The following CHN1 variants were observed in gnomAD, a reference collection of about 807,000 sequenced individuals.
CHN1 encodes the protein chimerin 1, also known as N-chimaerin.
In CHN1, 37 loss-of-function variants were observed where a neutral mutation model predicts 59.5. The ratio of observed to expected loss-of-function variants is 0.62; its 90% confidence interval spans 0.48 to 0.82. The LOEUF (loss-of-function observed/expected upper bound fraction) is 0.82, where lower values mean the gene tolerates loss of function less well. Among genes scored for constraint, CHN1 ranks in the 40% least tolerant of loss-of-function variants. The probability of loss-of-function intolerance (pLI) is 0.00; values close to 1 mark genes in which losing one functional copy is unlikely to be tolerated. For synonymous variants in CHN1, 206 were observed against 200.4 expected, an observed-to-expected ratio of 1.03 and a Z score of -0.24; for missense variants, 469 against 571.0, an observed-to-expected ratio of 0.82 and a Z score of 1.82.
chr2:174,939,216 G>A (rs1689587435), intron 3 of CHN1, among the ~76,000 whole-genome samples: 1 of 152,154 alleles, frequency 6.6e-6, no homozygotes, highest in South Asian at 2.1e-4. Context: ...TCTATCTTGT[G>A]TCTTTGCATC....
intron 5 of CHN1, among the ~76,000 whole-genome samples, chr2:174,888,360 C>T (rs1687950930): frequency 6.6e-6 from 1 of 152,088 alleles, no homozygotes; most frequent in African/African-American, 2.4e-5. Flanking sequence ...AGATGGGGAA[C>T]AAGAGGAGGG....
intron 1 of CHN1, among the ~76,000 whole-genome samples, chr2:174,986,559 G>A (rs1445342425): frequency 6.6e-6 from 1 of 152,072 alleles, no homozygotes; most frequent in African/African-American, 2.4e-5. Flanking sequence ...AAACAACATG[G>A]GTTTGAACCA....
chr2:175,004,196 T>C lies in CHN1; in HGVS notation c.19+698A>G, dbSNP rs531428745. Among the ~76,000 whole-genome samples the C allele has an allele frequency of 7.2e-5, 11 of 152,322 alleles. No individual in the cohort carries two copies. The East Asian group carries it at 1.9e-3, about 27-fold the overall frequency. On this transcript the variant is annotated intron_variant, in intron 1 of 12. Transcript: ENST00000409900. ...AGTCCTTTTTCCCAACCCATTGTCATTGCAGACTGAGAAAAAAACAGCTTG... is the reference window on the plus strand; with the variant it reads ...AGTCCTTTTTCCCAACCCATTGTCACTGCAGACTGAGAAAAAAACAGCTTG...
At chr2:174,870,585 T>C (rs1412250242) in intron 6 of CHN1, among the ~76,000 whole-genome samples, 2 of 152,202 alleles carry the variant, frequency 1.3e-5, no homozygotes, top group Non-Finnish European at 2.9e-5. Flanking sequence ...GGAAAGCAGA[T>C]TCTTTTAGAA....
intron 12 of CHN1, among the ~76,000 whole-genome samples, chr2:174,801,275 G>A (rs1451902045): frequency 1.3e-5 from 2 of 152,102 alleles, no homozygotes; most frequent in East Asian, 1.9e-4. Flanking sequence ...TTCAATAATC[G>A]AAAATCCTGT....
chr2:174,950,857 G>A (rs943593039), intron 2 of CHN1, among the ~76,000 whole-genome samples: 1 of 144,956 alleles, frequency 6.9e-6, no homozygotes, highest in Non-Finnish European at 1.5e-5. Flanking sequence ...TTGGCTCACT[G>A]CAACCTCTGC....
intron 7 of CHN1, among the ~76,000 whole-genome samples, chr2:174,838,653 G>C (rs1686179242): frequency 6.6e-6 from 1 of 152,216 alleles, no homozygotes; most frequent in Non-Finnish European, 1.5e-5. Context: ...GTACCAACAT[G>C]TCTCAAACGG....
chr2:174,955,489 AG>A (rs1690177903), intron 1 of CHN1, among the ~76,000 whole-genome samples: 2 of 151,988 alleles, frequency 1.3e-5, no homozygotes, highest in South Asian at 4.1e-4. Context: ...GTGAGGGGAA[AG>A]GATGGACGGG....
intron 7 of CHN1, among the ~76,000 whole-genome samples, chr2:174,825,995 T>C (rs1362655354): frequency 1.3e-5 from 2 of 152,290 alleles, no homozygotes; most frequent in African/African-American, 4.8e-5. Context: ...GAATTCAAAA[T>C]ACTACATTGG....
At chr2:174,811,360 A>G (rs916768648) in intron 10 of CHN1, 151 bp downstream of exon 10, 22 of 550,222 alleles carry the variant, frequency 4.0e-5, no homozygotes, top group Middle Eastern at 4.3e-4. Flanking sequence ...CAACTCAGAA[A>G]AAAGAAGAAA....
At chr2:174,973,800 T>C (rs1462859419) in intron 1 of CHN1, among the ~76,000 whole-genome samples, 2 of 152,204 alleles carry the variant, frequency 1.3e-5, no homozygotes, top group African/African-American at 4.8e-5. Flanking sequence ...ATTGGACAAA[T>C]GAATATTAGC....
chr2:174,929,333 T>G (rs1164238223), intron 3 of CHN1, among the ~76,000 whole-genome samples: 1 of 152,176 alleles, frequency 6.6e-6, no homozygotes, highest in Non-Finnish European at 1.5e-5. Context: ...GTCCCAGCCC[T>G]TTGGGAGGCC....
At chr2:174,812,882 G>A (rs1685123396) in intron 8 of CHN1, among the ~76,000 whole-genome samples, 1 of 152,096 alleles carries the variant, frequency 6.6e-6, no homozygotes, top group Non-Finnish European at 1.5e-5. Context: ...ATATAAAGCG[G>A]AATTGGACCT....
chr2:174,884,925 TA>T (rs1398939206), intron 5 of CHN1, among the ~76,000 whole-genome samples: 1 of 152,144 alleles, frequency 6.6e-6, no homozygotes, highest in African/African-American at 2.4e-5. Flanking sequence ...ATAGAATTAG[TA>T]AAGACTTCAT....
intron 1 of CHN1, among the ~76,000 whole-genome samples, chr2:174,957,475 G>A (rs1054153348): frequency 6.9e-6 from 1 of 145,218 alleles, no homozygotes; most frequent in Non-Finnish European, 1.5e-5. Flanking sequence ...TTATATTGAA[G>A]TTTGTCTTAA....
intron 1 of CHN1, among the ~76,000 whole-genome samples, chr2:174,961,804 TA>T (rs1376530802): frequency 1.3e-5 from 2 of 152,166 alleles, no homozygotes; most frequent in East Asian, 3.8e-4. Context: ...ATGTAGCTTC[TA>T]GAAGATTCAA....
intron 1 of CHN1, among the ~76,000 whole-genome samples, chr2:174,984,326 T>A (rs1010023062): frequency 6.6e-6 from 1 of 151,834 alleles, no homozygotes; most frequent in East Asian, 1.9e-4. Flanking sequence ...AATTAACGTT[T>A]CTATAAATTC....
chr2:174,996,937 G>A (rs1410662232), intron 1 of CHN1, among the ~76,000 whole-genome samples: 1 of 152,170 alleles, frequency 6.6e-6, no homozygotes, highest in East Asian at 1.9e-4. Context: ...ACCTGTCTGT[G>A]AGGCCTACCC....
intron 8 of CHN1, among the ~76,000 whole-genome samples, chr2:174,816,085 T>G (rs1038698701): frequency 6.6e-6 from 1 of 152,204 alleles, no homozygotes; most frequent in African/African-American, 2.4e-5. Context: ...GGAATAGTAC[T>G]ATTTTACATG....
Sources: gnomAD v4.1 joint callset for allele counts (sites outside exome capture counted in the v4.1 genomes callset) on GRCh38, gnomAD v4.1.1 for gene constraint, MANE v1.5 for transcripts, NCBI Gene and HGNC (gene_info 2026-07-23, HGNC 2026-07-21) for gene names.